CDIN1: variants seen among roughly 807,000 people sequenced by gnomAD.
CDIN1 encodes CDAN1 interacting nuclease 1.
In CDIN1, 33 loss-of-function variants were observed where a neutral mutation model predicts 45.3. The ratio of observed to expected loss-of-function variants is 0.73; its 90% CI spans 0.55 to 0.97. CDIN1 has a LOEUF of 0.97. Ranked by LOEUF, CDIN1 falls within the 50% of genes least tolerant of loss-of-function variation. The probability of loss-of-function intolerance (pLI) is 0.00; values close to 1 mark genes in which losing one functional copy is unlikely to be tolerated. For missense variants in CDIN1, 303 were observed against 339.4 expected, an observed-to-expected ratio of 0.89 and a Z score of 0.84; for synonymous variants, 118 against 124.4, an observed-to-expected ratio of 0.95 and a Z score of 0.34.
chr15:36,806,607 T>C (rs966235302), intron 10 of CDIN1, among the ~76,000 whole-genome samples: 2 of 152,108 alleles, frequency 1.3e-5, no homozygotes, highest in African/African-American at 4.8e-5. Flanking sequence ...TCAGGGGTGC[T>C]TCACTGATGG....
intron 10 of CDIN1, among the ~76,000 whole-genome samples, chr15:36,743,427 A>G (rs905801765): frequency 1.3e-5 from 2 of 152,206 alleles, no homozygotes; most frequent in Non-Finnish European, 2.9e-5. Context: ...TCTTTTCAGT[A>G]TCAAGTCCCA....
chr15:36,747,245 T>C (rs762716994), intron 10 of CDIN1: 5 of 353,384 alleles, frequency 1.4e-5, no homozygotes, highest in Non-Finnish European at 2.5e-5. Context: ...CCCGTAACAC[T>C]TGTAACAAAC....
At chr15:36,755,649 A>T (rs1451340207) in intron 10 of CDIN1, among the ~76,000 whole-genome samples, 1 of 151,008 alleles carries the variant, frequency 6.6e-6, no homozygotes, top group Non-Finnish European at 1.5e-5. Flanking sequence ...CATTAGGGAG[A>T]CCTGTCCTAT....
At chr15:36,750,372 C>T (rs888655911) in intron 10 of CDIN1, among the ~76,000 whole-genome samples, 1 of 152,096 alleles carries the variant, frequency 6.6e-6, no homozygotes, top group African/African-American at 2.4e-5. Flanking sequence ...TTTGAGCTAA[C>T]CACTCCTCTA....
In CDIN1 at chr15:36,764,791, T is replaced by C. The variant is rs895911152; in HGVS notation, c.717-43533T>C. Among the ~76,000 whole-genome samples the C allele has an allele frequency of 1.1e-4, 17 of 152,192 alleles. No individual in the cohort carries two copies. In the East Asian group the frequency reaches 2.5e-3, roughly 22 times the overall value. On this transcript the variant is annotated intron_variant, in intron 10 of 10. Coordinates refer to ENST00000566621, the MANE Select transcript of CDIN1 (RefSeq NM_001321759.2). ...TATCCATGGGGCTCATTTCTGGCCA[T>C]TGGAATGCACATAAGCCGAAGTGTC...
intron 3 of CDIN1, among the ~76,000 whole-genome samples, chr15:36,652,383 C>G (rs2040606982): frequency 6.6e-6 from 1 of 152,022 alleles, no homozygotes; most frequent in Admixed American, 6.6e-5. Context: ...TTGGTATAGG[C>G]TTAAATACGC....
intron 5 of CDIN1, among the ~76,000 whole-genome samples, chr15:36,666,169 A>G (rs1263459228): frequency 2.6e-5 from 4 of 152,174 alleles, no homozygotes; most frequent in Non-Finnish European, 5.9e-5. Flanking sequence ...TAAATTTACT[A>G]GGGGATAGAA....
Position 36,586,192 on chromosome 15 carries a change from G to GTTTTT in CDIN1, c.101+6243_101+6247dup, listed in dbSNP as rs10691719. Among the ~76,000 whole-genome samples the GTTTTT allele has an allele frequency of 2.1e-4, 30 of 140,244 alleles. 1 individual carries two copies. Among genetic ancestry groups the GTTTTT allele is most frequent in the Non-Finnish European group, 2.6e-4 (17 of 64,692 alleles). The allele number at this position is 140,244 out of a possible 152,430, so 92.0% of individuals were successfully genotyped here. On this transcript the variant is annotated intron_variant, in intron 1 of 10. Transcript: ENST00000566621. ...TTGCTTGGTGTGGGTTTACCTTTGA[G>GTTTTT]TTTTTTTTTTTTTTTTAACTATTAC...
At chr15:36,599,294 A>G (rs1327360292) in intron 1 of CDIN1, among the ~76,000 whole-genome samples, 1 of 152,200 alleles carries the variant, frequency 6.6e-6, no homozygotes, top group Non-Finnish European at 1.5e-5. Flanking sequence ...ACTTAACACT[A>G]AATGAAAGTA....
intron 1 of CDIN1, among the ~76,000 whole-genome samples, chr15:36,628,089 A>G (rs1284336472): frequency 6.6e-6 from 1 of 151,750 alleles, no homozygotes; most frequent in Non-Finnish European, 1.5e-5. Context: ...CTCCTTTTCT[A>G]TACAGTTCTG....
chr15:36,802,642 G>A (rs77215449), intron 10 of CDIN1, among the ~76,000 whole-genome samples: 8,913 of 152,032 alleles, frequency 0.059, 336 homozygotes, highest in South Asian at 0.13. Flanking sequence ...TGTTAGAGGC[G>A]TGGCAAGGAA....
In CDIN1 at chr15:36,653,743, A is replaced by G. The variant is rs1408805211; in HGVS notation, c.213-355A>G. ...TGCATGAATGCTTTTCTCAAACTATATAAGTCAACTTCTTTCCTTTCCATG... is the reference window on the plus strand; with the variant it reads ...TGCATGAATGCTTTTCTCAAACTATGTAAGTCAACTTCTTTCCTTTCCATG... On this transcript the variant is annotated intron_variant, in intron 3 of 10. Transcript: ENST00000566621. 4.6e-5 allele frequency among the ~76,000 whole-genome samples: 7 copies of G among 152,216 alleles called. No individual in the cohort carries two copies. In the East Asian group the frequency reaches 5.8e-4, roughly 13 times the overall value.
chr15:36,788,104 A>AT (rs2054548783), intron 10 of CDIN1, among the ~76,000 whole-genome samples: 2 of 34,480 alleles, frequency 5.8e-5, no homozygotes, highest in African/African-American at 2.1e-4. Context: ...ATATATATAT[A>AT]TATTTTTTTT....
chr15:36,718,812 C>CTTTTTTTTTTTTTTTTTTTTTTTTTTTTT (rs3045909), intron 10 of CDIN1, among the ~76,000 whole-genome samples: 1 of 96,626 alleles, frequency 1.0e-5, no homozygotes, highest in African/African-American at 3.9e-5. Context: ...AATTTGTATG[C>CTTTTTTTTTTTTTTTTTTTTTTTTTTTTT]TTTTTTTTTT....
chr15:36,726,165 C>T (rs1487444229), intron 10 of CDIN1, among the ~76,000 whole-genome samples: 2 of 152,140 alleles, frequency 1.3e-5, no homozygotes, highest in Non-Finnish European at 2.9e-5. Context: ...AGCTCTTCAC[C>T]TGTTTTACTC....
In CDIN1 at chr15:36,645,686, A is replaced by G. The variant is rs551819098; in HGVS notation, c.212+399A>G. 1.3e-3 allele frequency among the ~76,000 whole-genome samples: 200 copies of G among 152,238 alleles called. 1 individual carries two copies. The highest frequency in any genetic ancestry group is 2.1e-3 in the Non-Finnish European group (142 of 68,006). ...TCTCAAACTAATTTTCATTTCTTAG[A>G]TTAGCAAGTTGAAAAAAGAAGATTG... On this transcript the variant is annotated intron_variant, in intron 3 of 10. Coordinates refer to ENST00000566621, the MANE Select transcript of CDIN1 (RefSeq NM_001321759.2).
chr15:36,754,637 C>T (rs982201317), intron 10 of CDIN1, among the ~76,000 whole-genome samples: 12 of 150,584 alleles, frequency 8.0e-5, no homozygotes, highest in Admixed American at 7.9e-4. Context: ...TATTTATCCC[C>T]CTTACATGTC....
chr15:36,713,813 C>A (rs79410935), intron 10 of CDIN1, among the ~76,000 whole-genome samples: 1 of 152,198 alleles, frequency 6.6e-6, no homozygotes, highest in Non-Finnish European at 1.5e-5. Context: ...GAGAAACCTT[C>A]CTGCCTTCTA....
At chr15:36,768,150 G>T (rs1189197440) in intron 10 of CDIN1, among the ~76,000 whole-genome samples, 4 of 152,186 alleles carry the variant, frequency 2.6e-5, no homozygotes, top group Non-Finnish European at 4.4e-5. Flanking sequence ...TGGCCTGCAT[G>T]ATTGGTATTA....
Sources: allele counts gnomAD v4.1 joint callset (sites outside exome capture counted in the v4.1 genomes callset), GRCh38; gene constraint gnomAD v4.1.1; transcripts MANE v1.5; gene names NCBI Gene and HGNC (gene_info 2026-07-23, HGNC 2026-07-21).